The following TMEM178B variants were observed in gnomAD, a reference collection of about 807,000 sequenced individuals.
TMEM178B encodes the protein transmembrane protein 178B.
A neutral mutation model predicts 31.0 loss-of-function variants in TMEM178B; 5 were observed. The ratio of observed to expected loss-of-function variants is 0.16; its 90% CI spans 0.08 to 0.34. TMEM178B has a LOEUF of 0.34. Ranked by LOEUF, TMEM178B falls within the 10% of genes least tolerant of loss-of-function variation. TMEM178B has a pLI of 1.00. For missense variants in TMEM178B, 275 were observed against 400.3 expected (o/e 0.69, Z 2.67); for synonymous variants, 164 against 164.0 (o/e 1.00, Z 0.00).
chr7:141,142,482 G>A (rs1490648988), intron 1 of TMEM178B, among the ~76,000 whole-genome samples: 4 of 149,220 alleles, frequency 2.7e-5, no homozygotes, highest in Admixed American at 6.8e-5. Flanking sequence ...TTCTCTGCTC[G>A]CTGCAAGCTC....
chr7:141,336,960 T>C (rs868596619), intron 2 of TMEM178B, among the ~76,000 whole-genome samples: 1,620 of 28,686 alleles, frequency 0.056, 6 homozygotes, highest in East Asian at 0.11. Flanking sequence ...ACCACCACCA[T>C]CACTACCACC....
At chr7:141,379,293 C>T (rs1180223716) in intron 2 of TMEM178B, among the ~76,000 whole-genome samples, 3 of 145,840 alleles carry the variant, frequency 2.1e-5, no homozygotes, top group Admixed American at 6.9e-5. Flanking sequence ...ATAGTGAGAC[C>T]CCTGTTTTTC....
intron 1 of TMEM178B, among the ~76,000 whole-genome samples, chr7:141,076,741 C>T (rs1794606287): frequency 6.6e-6 from 1 of 152,164 alleles, no homozygotes; most frequent in Non-Finnish European, 1.5e-5. Context: ...ATGGACATGG[C>T]ACAGCAGGGG....
chr7:141,333,862 C>T (rs375182947), intron 2 of TMEM178B, among the ~76,000 whole-genome samples: 8 of 152,326 alleles, frequency 5.3e-5, no homozygotes, highest in South Asian at 4.1e-4. Flanking sequence ...CTTCCATGTG[C>T]GGTTCACAAT....
intron 2 of TMEM178B, among the ~76,000 whole-genome samples, chr7:141,369,468 C>A (rs908455265): frequency 1.1e-4 from 17 of 152,174 alleles, no homozygotes; most frequent in Non-Finnish European, 1.9e-4. Context: ...CAACTCCTTG[C>A]AGGGTTTCTG....
At chr7:141,312,118 A>T (rs181897521) in intron 2 of TMEM178B, among the ~76,000 whole-genome samples, 33 of 152,176 alleles carry the variant, frequency 2.2e-4, no homozygotes, top group Non-Finnish European at 2.6e-4. Context: ...ATTACCTCCC[A>T]TATGCTGTGG....
At chr7:141,213,434 AG>A (rs1430428920) in intron 2 of TMEM178B, among the ~76,000 whole-genome samples, 6 of 152,198 alleles carry the variant, frequency 3.9e-5, no homozygotes, top group Non-Finnish European at 8.8e-5. Context: ...TGCTTCCTGC[AG>A]GCACAGTTCT....
At chr7:141,150,948 C>G (rs925637233) in intron 1 of TMEM178B, among the ~76,000 whole-genome samples, 1 of 152,118 alleles carries the variant, frequency 6.6e-6, no homozygotes, top group Admixed American at 6.5e-5. Flanking sequence ...AATCTAGATG[C>G]ATGATTAAAT....
chr7:141,354,673 C>T (rs1035554963), intron 2 of TMEM178B, among the ~76,000 whole-genome samples: 1 of 152,214 alleles, frequency 6.6e-6, no homozygotes, highest in Non-Finnish European at 1.5e-5. Flanking sequence ...GCCTTAGAAA[C>T]CTACCATAGT....
intron 1 of TMEM178B, among the ~76,000 whole-genome samples, chr7:141,090,844 A>AC (rs1297127052): frequency 1.3e-5 from 2 of 152,216 alleles, no homozygotes; most frequent in African/African-American, 4.8e-5. Context: ...TTAGGGTCTT[A>AC]CCGAGAAGCA....
At chr7:141,076,178 G>C (rs546646769) in intron 1 of TMEM178B, among the ~76,000 whole-genome samples, 1 of 152,262 alleles carries the variant, frequency 6.6e-6, no homozygotes, top group South Asian at 2.1e-4. Flanking sequence ...AGAATATTAG[G>C]GGAGTCCAGA....
chr7:141,269,174 T>C (rs1356170068), intron 2 of TMEM178B, among the ~76,000 whole-genome samples: 1 of 150,896 alleles, frequency 6.6e-6, no homozygotes, highest in Non-Finnish European at 1.5e-5. Context: ...CACAGTAACC[T>C]ACACCTCCCG....
chr7:141,149,982 T>C (rs964219719), intron 1 of TMEM178B, among the ~76,000 whole-genome samples: 1 of 152,004 alleles, frequency 6.6e-6, no homozygotes, highest in Admixed American at 6.5e-5. Flanking sequence ...ACAGGATTTG[T>C]TGATGGGTGG....
chr7:141,443,457 TTGAAAGAG>T (rs1432125112), intron 3 of TMEM178B, among the ~76,000 whole-genome samples: 10 of 152,160 alleles, frequency 6.6e-5, no homozygotes, highest in Admixed American at 1.3e-4. Context: ...TCTTGGCAGT[TTGAAAGAG>T]TACTAGTCAG....
chr7:141,375,154 T>C (rs747167447), intron 2 of TMEM178B, among the ~76,000 whole-genome samples: 1 of 152,218 alleles, frequency 6.6e-6, no homozygotes, highest in Non-Finnish European at 1.5e-5. Context: ...TTGCTTTCAT[T>C]TGCTCCTTTA....
At chr7:141,276,266 G>A (rs1197962464) in intron 2 of TMEM178B, among the ~76,000 whole-genome samples, 1 of 152,206 alleles carries the variant, frequency 6.6e-6, no homozygotes, top group Non-Finnish European at 1.5e-5. Context: ...AAACAAGCAT[G>A]AGTCAGAGCT....
At chr7:141,101,776 G>A (rs1299354473) in intron 1 of TMEM178B, among the ~76,000 whole-genome samples, 1 of 152,198 alleles carries the variant, frequency 6.6e-6, no homozygotes, top group East Asian at 1.9e-4. Flanking sequence ...CATGTCCAGT[G>A]TGTAGTGAGC....
At chr7:141,226,785 G>C (rs1012509346) in intron 2 of TMEM178B, among the ~76,000 whole-genome samples, 3 of 149,756 alleles carry the variant, frequency 2.0e-5, no homozygotes, top group Non-Finnish European at 4.4e-5. Flanking sequence ...TTGAACCCAG[G>C]AGGTGGAGGT....
chr7:141,505,442 C>T, the TMEM178B span, among the ~76,000 whole-genome samples: 12 of 152,208 alleles, frequency 7.9e-5, no homozygotes, highest in African/African-American at 2.2e-4. Context: ...TATGAGTCCT[C>T]GCTACACTGA....
Sources: allele counts gnomAD v4.1 joint callset (sites outside exome capture counted in the v4.1 genomes callset), GRCh38; gene constraint gnomAD v4.1.1; transcripts MANE v1.5; gene names NCBI Gene and HGNC (gene_info 2026-07-23, HGNC 2026-07-21).